COL18A1: variants seen among roughly 807,000 people sequenced by gnomAD.
The protein encoded by COL18A1 is collagen type XVIII alpha 1 chain.
COL18A1 carries 133 observed loss-of-function variants against 168.0 expected under a neutral mutation model. The ratio of observed to expected loss-of-function variants is 0.79; its 90% confidence interval spans 0.69 to 0.91. COL18A1 has a LOEUF of 0.91. Among genes scored for constraint, COL18A1 ranks in the 40% least tolerant of loss-of-function variants. The probability of loss-of-function intolerance (pLI) is 0.00; values close to 1 mark genes in which losing one functional copy is unlikely to be tolerated. For missense variants in COL18A1, 2,126 were observed against 1,925.4 expected (o/e 1.10, Z -1.95); for synonymous variants, 949 against 809.0 (o/e 1.17, Z -2.94).
intron 2 of COL18A1, among the ~76,000 whole-genome samples, chr21:45,453,660 A>G (rs546912553): frequency 5.3e-5 from 8 of 152,186 alleles, no homozygotes; most frequent in African/African-American, 1.9e-4. Flanking sequence ...AGTCCTGGAC[A>G]GTGGGCAGGA....
intron 29 of COL18A1, chr21:45,496,187 C>T (rs1253440364): frequency 7.3e-6 from 4 of 545,678 alleles, no homozygotes; most frequent in Non-Finnish European, 1.4e-5. Flanking sequence ...GAGCCAAGAG[C>T]TTTGTCTCCC....
chr21:45,493,476 T>G, intron 25 of COL18A1, 25 bp from the exon 26 acceptor site: 4 of 1,548,174 alleles, frequency 2.6e-6, no homozygotes, highest in Non-Finnish European at 3.5e-6. Context: ...TGGCCCTGAC[T>G]CTGCTGGACC....
In COL18A1 at chr21:45,477,385, G is replaced by A. The variant is rs777257211; in HGVS notation, c.929-26G>A. ...CTGGGGCCACCCGGGGGGCGTGACCGTGGCCACCTCTGCTTCTCTTCCCAG... is the reference window on the plus strand; with the variant it reads ...CTGGGGCCACCCGGGGGGCGTGACCATGGCCACCTCTGCTTCTCTTCCCAG... On this transcript the variant is annotated intron_variant, in intron 6 of 41. Coordinates refer to ENST00000651438, the MANE Select transcript of COL18A1 (RefSeq NM_001379500.1). 16 of 1,601,220 alleles carry A rather than the reference G, an allele frequency of 1.0e-5. No homozygotes were observed. In the East Asian group the frequency reaches 1.4e-4, roughly 14 times the overall value.
intron 2 of COL18A1, among the ~76,000 whole-genome samples, chr21:45,413,214 G>A (rs572113461): frequency 8.5e-5 from 13 of 152,340 alleles, no homozygotes; most frequent in South Asian, 6.2e-4. Context: ...ATGGGTCCCC[G>A]TGAGCAGACA....
chr21:45,504,510 CCGGCCCCCCAGGCCCCCCA>C lies in COL18A1; in HGVS notation c.2823_2841del (p.Gly942AlafsTer83), dbSNP rs2146074786. 1 of 1,414,934 alleles carries C rather than the reference CCGGCCCCCCAGGCCCCCCA, an allele frequency of 7.1e-7. No individual in the cohort carries two copies. Among genetic ancestry groups the C allele is most frequent in the Non-Finnish European group, 9.3e-7 (1 of 1,076,520 alleles). 87.6% of individuals were successfully genotyped at this position (1,414,934 alleles called of 1,614,324 possible). ...TTCGGCTCCAGCCTGCCCGGCCCCCCCGGCCCCCCAGGCCCCCCAGGCCCACGTGGCTACCCTGGGATTC... is the reference window on the plus strand; with the variant it reads ...TTCGGCTCCAGCCTGCCCGGCCCCCCGGCCCACGTGGCTACCCTGGGATTC... On this transcript the variant is annotated frameshift_variant, in exon 34 of 42. Transcript: ENST00000651438. LOFTEE classifies it high-confidence loss of function.
intron 32 of COL18A1, among the ~76,000 whole-genome samples, chr21:45,502,281 C>T (rs1440810629): frequency 1.3e-5 from 2 of 152,214 alleles, no homozygotes; most frequent in East Asian, 1.9e-4. Context: ...AGGTGGTCCC[C>T]ACCCCGGTCA....
chr21:45,465,434 C>T (rs1455550339), intron 2 of COL18A1, among the ~76,000 whole-genome samples: 1 of 152,122 alleles, frequency 6.6e-6, no homozygotes, highest in Middle Eastern at 3.2e-3. Flanking sequence ...GTTCTGAGGC[C>T]GTTTTTCTTT....
rs371058906 is a variant in COL18A1, at chr21:45,468,377, G to A, written c.242G>A (p.Arg81Gln). The stretch of plus-strand genomic sequence containing the variant: ...GATGCCAACAGTGGCCAAGTGGCCC[G>A]GTACCACTTCCCCAGCCTCTTCTTC... ...GPDANSGQVA[R>Q]YHFPSLFFRD... The change falls in exon 3 of 42, where the codon CGG (arginine) becomes CAG (glutamine). Residue 81 changes from arginine (R) to glutamine (Q), a missense_variant. Coordinates refer to ENST00000651438, the MANE Select transcript of COL18A1 (RefSeq NM_001379500.1). 45 of 1,613,726 alleles carry A rather than the reference G, an allele frequency of 2.8e-5. No individual in the cohort carries two copies. Among genetic ancestry groups the A allele is most frequent in the African/African-American group, 1.5e-4 (11 of 74,952 alleles).
intron 3 of COL18A1, 96 bp downstream of exon 3, chr21:45,468,882 G>A: frequency 8.5e-6 from 11 of 1,289,294 alleles, no homozygotes; most frequent in Non-Finnish European, 1.2e-5. Flanking sequence ...GTGGCCGGAA[G>A]AGGAGAGCCC....
chr21:45,477,525 C>T (rs375950149), intron 7 of COL18A1, 38 bp downstream of exon 7: 236 of 1,564,022 alleles, frequency 1.5e-4, no homozygotes, highest in Non-Finnish European at 1.9e-4. Flanking sequence ...CCATTCTGAA[C>T]CAGAGCACCT....
chr21:45,430,566 G>A lies in COL18A1; in HGVS notation c.106+25093G>A, dbSNP rs540094304. Among the ~76,000 whole-genome samples the A allele has an allele frequency of 3.9e-5, 6 of 152,218 alleles. No individual in the cohort carries two copies. In the South Asian group the frequency reaches 1.2e-3, roughly 32 times the overall value. Reference sequence around the variant, plus strand: ...GGGCATCCACTCTGGGCAGGTTCAGGGTCATTCTTGGTGACCCCGGGTCCG... The same window carrying A: ...GGGCATCCACTCTGGGCAGGTTCAGAGTCATTCTTGGTGACCCCGGGTCCG... On this transcript the variant is annotated intron_variant, in intron 2 of 41. Transcript: ENST00000651438.
chr21:45,480,800 C>T lies in COL18A1; in HGVS notation c.1553C>T (p.Pro518Leu), dbSNP rs1195924866. The T allele has an allele frequency of 1.9e-6, 3 of 1,611,658 alleles. No homozygotes were observed. The highest frequency in any genetic ancestry group is 8.5e-7 in the Non-Finnish European group (1 of 1,179,774). ...GTGAACAGCTCCGACGTCCCAGGAC[C>T]CGCCGGCCTTCCTGGTGTGCCTGGG... is the stretch of plus-strand genomic sequence containing the variant. ...FGVNSSDVPG[P>L]AGLPGVPGRE... The change falls in exon 13 of 42, where the codon CCC becomes CTC. Residue 518 changes from proline (P) to leucine (L), a missense_variant. Transcript: ENST00000651438.
chr21:45,507,920 C>T (rs1227408334), intron 38 of COL18A1, among the ~76,000 whole-genome samples: 1 of 152,202 alleles, frequency 6.6e-6, no homozygotes, highest in African/African-American at 2.4e-5. Flanking sequence ...CTTTGCCTTC[C>T]CTCACCCAAA....
At chr21:45,504,996 G>A in intron 34 of COL18A1, 138 bp from the exon 35 acceptor site, 1 of 1,088,348 alleles carries the variant, frequency 9.2e-7, no homozygotes, top group Non-Finnish European at 1.3e-6. Context: ...CTCAGGCTAT[G>A]GCGTGGGCAG....
chr21:45,449,758 T>G (rs935299455), intron 2 of COL18A1, among the ~76,000 whole-genome samples: 1 of 152,130 alleles, frequency 6.6e-6, no homozygotes, highest in Non-Finnish European at 1.5e-5. Flanking sequence ...TGCGGCCACC[T>G]CCAGCCACTG....
Position 45,497,631 on chromosome 21 carries a change from A to C in COL18A1, c.2653A>C (p.Lys885Gln). 1 of 1,570,186 alleles carries C rather than the reference A, an allele frequency of 6.4e-7. No individual in the cohort carries two copies. Among genetic ancestry groups the C allele is most frequent in the Non-Finnish European group, 8.6e-7 (1 of 1,158,056 alleles). The stretch of plus-strand genomic sequence containing the variant: ...GGGCCCTCCAGGACCCAAGGGCGCC[A>C]AAGGAGAAGTGGGCCCCCCCGGACC... The part of the protein sequence containing the change: ...NQGPPGPKGA[K>Q]GEVGPPGPPG... The change falls in exon 32 of 42, where the codon AAA (lysine) becomes CAA (glutamine). Residue 885 changes from lysine to glutamine, a missense_variant. Lys to Gln is a moderately conservative substitution (Grantham distance 53). Coordinates refer to ENST00000651438, the MANE Select transcript of COL18A1 (RefSeq NM_001379500.1).
At position 45,511,175 on chromosome 21, in the gene COL18A1, G is replaced by T; in HGVS notation, c.3758G>T (p.Gly1253Val). ...FSGSEGPLKPGARIFSFDGKD... is the reference protein window; with the variant it reads ...FSGSEGPLKPVARIFSFDGKD... ...GGCTCTGAGGGTCCGCTGAAGCCCG[G>T]GGCACGCATCTTCTCCTTTGACGGC... The change falls in exon 41 of 42, where the codon GGG (glycine) becomes GTG (valine). Residue 1253 changes from glycine to valine, a missense_variant. Transcript: ENST00000651438. 6.2e-7 allele frequency: 1 copy of T among 1,601,662 alleles called. No homozygotes were observed.
intron 2 of COL18A1, among the ~76,000 whole-genome samples, chr21:45,406,486 A>T (rs1602320043): frequency 3.3e-5 from 5 of 152,368 alleles, no homozygotes; most frequent in Admixed American, 3.3e-4. Flanking sequence ...AAGTAGATGT[A>T]TTGAAAACAC....
At chr21:45,511,456 G>A (rs2037603976) in intron 41 of COL18A1, among the ~76,000 whole-genome samples, 1 of 152,164 alleles carries the variant, frequency 6.6e-6, no homozygotes, top group South Asian at 2.1e-4. Flanking sequence ...CCCCGAAGGT[G>A]CCCCCGGCCC....
Sources: gnomAD v4.1 joint callset for allele counts (sites outside exome capture counted in the v4.1 genomes callset) on GRCh38, gnomAD v4.1.1 for gene constraint, MANE v1.5 for transcripts, NCBI Gene and HGNC (gene_info 2026-07-23, HGNC 2026-07-21) for gene names.